Variants in ALG13 observed in about 807,000 individuals in gnomAD.
ALG13 encodes UDP-N-acetylglucosamine transferase subunit ALG13.
A neutral mutation model predicts 87.8 loss-of-function variants in ALG13; 11 were observed. The observed-to-expected ratio is 0.13, with a 90% CI of 0.08 to 0.21. The LOEUF (loss-of-function observed/expected upper bound fraction) is 0.21. Among genes scored for constraint, ALG13 ranks in the 10% least tolerant of loss-of-function variants. The pLI is 1.00. For missense variants in ALG13, 756 were observed against 866.1 expected, an observed-to-expected ratio of 0.87 and a Z score of 1.60; for synonymous variants, 320 against 306.3, an observed-to-expected ratio of 1.04 and a Z score of -0.47.
At chrX:111,681,863 G>T (rs921326362) in intron 1 of ALG13, 8 of 898,437 alleles carry the variant, frequency 8.9e-6, no homozygotes, top group Non-Finnish European at 9.6e-6. Flanking sequence ...TTCCCCCCGA[G>T]TTTGCGACTC....
chrX:111,732,696 G>T (rs1187721902), intron 21 of ALG13, among the ~76,000 whole-genome samples: 2 of 111,961 alleles, frequency 1.8e-5, no homozygotes, highest in Non-Finnish European at 3.8e-5. Flanking sequence ...CTAAACTGTG[G>T]CAGCTTCATG....
intron 25 of ALG13, among the ~76,000 whole-genome samples, chrX:111,756,587 G>A (rs772238879): frequency 1.9e-4 from 21 of 110,813 alleles, no homozygotes; most frequent in South Asian, 3.9e-4. Flanking sequence ...AGTCTTTCAG[G>A]GATCACTTTC....
chrX:111,721,777 T>C (rs113025900), intron 12 of ALG13, 66 bp downstream of exon 12: 38 of 621,063 alleles, frequency 6.1e-5, no homozygotes, highest in Non-Finnish European at 9.8e-5. Context: ...TTGCAAATTA[T>C]GGTGAACATC....
At chrX:111,751,066 CTTTTTTT>C (rs58149728) in intron 24 of ALG13, among the ~76,000 whole-genome samples, 14 of 74,503 alleles carry the variant, frequency 1.9e-4, no homozygotes, top group African/African-American at 9.8e-4. Flanking sequence ...ATAAGCATAA[CTTTTTTT>C]TTTTTTTTTT....
At position 111,689,303 on chromosome X, in the gene ALG13, T is replaced by G. The variant is rs140787795; in HGVS notation, c.383+4200T>G. ...AATCCAGGGAGAGAATCTTTAGTGTTTTCTGGGCCCTCATAAATACGTTTT... is the reference window on the plus strand; with the variant it reads ...AATCCAGGGAGAGAATCTTTAGTGTGTTCTGGGCCCTCATAAATACGTTTT... On this transcript the variant is annotated intron_variant, in intron 3 of 26. Transcript: ENST00000394780. 2,710 of 751,281 alleles carry G rather than the reference T, an allele frequency of 3.6e-3. 59 individuals are homozygous for G. In the African/African-American group the frequency reaches 0.059, roughly 16 times the overall value. The allele number at this position is 751,281 out of a possible 1,213,427, so 61.9% of individuals were successfully genotyped here.
intron 3 of ALG13, among the ~76,000 whole-genome samples, chrX:111,696,775 GTTACT>G (rs1428304272): frequency 9.0e-6 from 1 of 111,384 alleles, no homozygotes; most frequent in Non-Finnish European, 1.9e-5. Context: ...GTTATTTAAA[GTTACT>G]TTAATGTTTT....
chrX:111,693,164 CTTTT>C (rs61239915), intron 3 of ALG13, among the ~76,000 whole-genome samples: 3 of 55,106 alleles, frequency 5.4e-5, no homozygotes, highest in Admixed American at 2.1e-4. Flanking sequence ...GTTTTTAATT[CTTTT>C]TTTTTTTTTT....
chrX:111,740,438 A>AAT (rs924670971), intron 23 of ALG13, among the ~76,000 whole-genome samples: 4 of 111,105 alleles, frequency 3.6e-5, no homozygotes, highest in Non-Finnish European at 5.7e-5. Flanking sequence ...TTTATCTTTA[A>AAT]ATATATATAT....
intron 3 of ALG13, among the ~76,000 whole-genome samples, chrX:111,693,890 C>T (rs896733101): frequency 9.0e-6 from 1 of 110,806 alleles, no homozygotes; most frequent in Non-Finnish European, 1.9e-5. Context: ...GGTTAAGAAT[C>T]CCTAGGCTGA....
chrX:111,691,734 G>A (rs376996644), intron 3 of ALG13, among the ~76,000 whole-genome samples: 2 of 111,645 alleles, frequency 1.8e-5, no homozygotes, highest in African/African-American at 6.5e-5. Context: ...AGCCACAGGC[G>A]TAACGGTATG....
intron 23 of ALG13, among the ~76,000 whole-genome samples, chrX:111,743,288 A>T (rs918830517): frequency 2.9e-4 from 32 of 111,828 alleles, no homozygotes; most frequent in African/African-American, 5.5e-4. Context: ...CATTTTATTT[A>T]AAAAAAATCT....
At chrX:111,711,536 T>C (rs954541406) in intron 5 of ALG13, 139 bp from the exon 6 acceptor site, 2 of 476,803 alleles carry the variant, frequency 4.2e-6, no homozygotes, top group Non-Finnish European at 6.8e-6. Context: ...GCAAATCTTC[T>C]TGAGGTGCTG....
chrX:111,691,293 G>C (rs1936105882), intron 3 of ALG13, among the ~76,000 whole-genome samples: 1 of 110,172 alleles, frequency 9.1e-6, no homozygotes, highest in Non-Finnish European at 1.9e-5. Flanking sequence ...TAGAGACTGG[G>C]TTTCACCATG....
Position 111,711,577 on chromosome X carries a change from G to C in ALG13, c.835-98G>C, listed in dbSNP as rs999127588. ...AGTAGATACTTACACCATAATTGTT[G>C]AGCTGAGCAAAAAACGCATTGCAGG... On this transcript the variant is annotated intron_variant, in intron 5 of 26. Coordinates refer to ENST00000394780, the MANE Select transcript of ALG13 (RefSeq NM_001099922.3). 36 of 768,971 alleles carry C rather than the reference G, an allele frequency of 4.7e-5. No homozygotes were observed. In the East Asian group the frequency reaches 4.7e-4, roughly 10 times the overall value. The allele number at this position is 768,971 out of a possible 1,213,427, so 63.4% of individuals were successfully genotyped here.
intron 3 of ALG13, among the ~76,000 whole-genome samples, chrX:111,705,869 A>G (rs1938653891): frequency 9.4e-6 from 1 of 106,887 alleles, no homozygotes. Flanking sequence ...GTTTTCTATT[A>G]CTTTTCTGAT....
intron 16 of ALG13, 102 bp downstream of exon 16, chrX:111,727,157 C>G: frequency 2.0e-6 from 2 of 1,002,149 alleles, no homozygotes; most frequent in Non-Finnish European, 2.8e-6. Context: ...GTCTCTGTGA[C>G]ATACAGACTG....
At chrX:111,737,644 G>A (rs1200755197) in intron 23 of ALG13, among the ~76,000 whole-genome samples, 3 of 112,081 alleles carry the variant, frequency 2.7e-5, no homozygotes, top group Non-Finnish European at 5.6e-5. Flanking sequence ...CAGGGTCTAT[G>A]AGGGAGCAAG....
intron 22 of ALG13, among the ~76,000 whole-genome samples, chrX:111,736,087 T>C (rs1462195178): frequency 9.0e-6 from 1 of 111,461 alleles, no homozygotes; most frequent in Non-Finnish European, 1.9e-5. Context: ...GCAGGTTACT[T>C]GAGCCCAGGG....
chrX:111,744,690 A>G lies in ALG13; in HGVS notation c.2718A>G (p.Pro906=). The G allele has an allele frequency of 8.4e-7, 1 of 1,184,713 alleles. No individual in the cohort carries two copies. The highest frequency in any genetic ancestry group is 1.1e-6 in the Non-Finnish European group (1 of 884,139). ...TAGTGATTGCCTCACCATCCTATCC[A>G]TGCCATTCTGCTATTCCTCATGCTG... ...GRPVIASPSY[P]CHSAIPHAGA... is the part of the protein sequence containing the mutation. Residue 906 remains proline (P), a synonymous_variant, in exon 24 of 27, where the codon CCA becomes CCG. Transcript: ENST00000394780.
Sources: gnomAD v4.1 joint callset for allele counts (sites outside exome capture counted in the v4.1 genomes callset) on GRCh38, gnomAD v4.1.1 for gene constraint, MANE v1.5 for transcripts, NCBI Gene and HGNC (gene_info 2026-07-23, HGNC 2026-07-21) for gene names.